Variants in SMAP1 observed in about 807,000 individuals in gnomAD.
The protein encoded by SMAP1 is small ArfGAP 1, also known as stromal membrane-associated protein 1.
In SMAP1, 24 loss-of-function variants were observed where a neutral mutation model predicts 58.5. The ratio of observed to expected loss-of-function variants is 0.41; its 90% CI spans 0.30 to 0.58. SMAP1 has a LOEUF of 0.58. Ranked by LOEUF, SMAP1 falls within the 20% of genes least tolerant of loss-of-function variation. The probability of loss-of-function intolerance (pLI) is 0.29; values close to 1 mark genes in which losing one functional copy is unlikely to be tolerated. For missense variants in SMAP1, 563 were observed against 566.3 expected (o/e 0.99, Z 0.06); for synonymous variants, 216 against 196.6 (o/e 1.10, Z -0.82).
At chr6:70,817,922 T>G (rs116876004) in intron 6 of SMAP1, among the ~76,000 whole-genome samples, 3,596 of 152,246 alleles carry the variant, frequency 0.024, 51 homozygotes, top group Non-Finnish European at 0.037. Context: ...AAATTAGAAC[T>G]CTTGTTTCAT....
chr6:70,837,913 T>C lies in SMAP1; in HGVS notation c.664+885T>C, dbSNP rs559119708. 9.4e-6 allele frequency: 11 copies of C among 1,168,846 alleles called. No homozygotes were observed. In the East Asian group the frequency reaches 6.6e-4, roughly 71 times the overall value. The allele number at this position is 1,168,846 out of a possible 1,614,324, so 72.4% of individuals were successfully genotyped here. A position where few individuals can be genotyped will look rare whatever the true frequency, so the allele number is the denominator to read the frequency against. ...AAATTGTTGTCTGTTTTAAGAATTATAGCTGAATGTTTTATTCATTTCTTA... is the reference window on the plus strand; with the variant it reads ...AAATTGTTGTCTGTTTTAAGAATTACAGCTGAATGTTTTATTCATTTCTTA... On this transcript the variant is annotated intron_variant, in intron 7 of 10. Transcript: ENST00000370455.
intron 1 of SMAP1, among the ~76,000 whole-genome samples, chr6:70,688,743 C>A (rs1767035318): frequency 6.6e-6 from 1 of 152,156 alleles, no homozygotes; most frequent in Non-Finnish European, 1.5e-5. Flanking sequence ...AACTTTACAT[C>A]CTCTTCACAT....
intron 6 of SMAP1, among the ~76,000 whole-genome samples, chr6:70,803,157 G>C (rs1768942069): frequency 6.6e-6 from 1 of 151,236 alleles, no homozygotes; most frequent in Non-Finnish European, 1.5e-5. Flanking sequence ...TGGTTGGTAG[G>C]CTATTATTGC....
At chr6:70,687,986 A>G (rs1214596550) in intron 1 of SMAP1, among the ~76,000 whole-genome samples, 1 of 152,288 alleles carries the variant, frequency 6.6e-6, no homozygotes, top group African/African-American at 2.4e-5. Flanking sequence ...TTCCTAACCC[A>G]TAGCATCCAT....
At chr6:70,859,363 C>CCAT (rs201201431) in intron 10 of SMAP1, 51,476 of 1,547,556 alleles carry the variant, frequency 0.033, 1,025 homozygotes, top group Non-Finnish European at 0.04. Context: ...CTCCAGCACT[C>CCAT]CATCAGTGCA....
At chr6:70,821,070 C>A (rs373050947) in intron 6 of SMAP1, among the ~76,000 whole-genome samples, 4 of 151,998 alleles carry the variant, frequency 2.6e-5, no homozygotes, top group Admixed American at 6.6e-5. Context: ...GATTTCCCCC[C>A]CTCCCTGCCC....
chr6:70,768,962 G>A (rs866162632), intron 3 of SMAP1, among the ~76,000 whole-genome samples: 14 of 151,880 alleles, frequency 9.2e-5, no homozygotes, highest in East Asian at 1.9e-4. Flanking sequence ...CTTTGTTCTC[G>A]TTGGTTTCAA....
intron 2 of SMAP1, chr6:70,734,632 C>T (rs2149864738): frequency 6.5e-6 from 1 of 152,932 alleles, no homozygotes; most frequent in South Asian, 2.1e-4. Flanking sequence ...GCAGCTGGCT[C>T]CACAGCGGGC....
chr6:70,773,276 T>C lies in SMAP1; in HGVS notation c.339-74T>C, dbSNP rs1767402555. On this transcript the variant is annotated intron_variant, in intron 3 of 10. Transcript: ENST00000370455. The stretch of plus-strand genomic sequence containing the variant: ...AAAATTAAATTTAGAGTCCCAGCTT[T>C]GTGGAGTGGCGTGAATAAAGGGAAG... 3.5e-6 allele frequency: 3 copies of C among 863,722 alleles called. No individual in the cohort carries two copies. The African/African-American group carries it at 5.2e-5, about 15-fold the overall frequency. 53.5% of individuals were successfully genotyped at this position (863,722 alleles called of 1,614,324 possible). A position where few individuals can be genotyped will look rare whatever the true frequency, so the allele number is the denominator to read the frequency against.
intron 1 of SMAP1, among the ~76,000 whole-genome samples, chr6:70,668,928 C>T (rs574542199): frequency 6.6e-6 from 1 of 152,142 alleles, no homozygotes; most frequent in East Asian, 1.9e-4. Context: ...ATTTGTGTAC[C>T]TCATAAATGC....
intron 1 of SMAP1, among the ~76,000 whole-genome samples, chr6:70,675,924 T>C (rs1766464879): frequency 6.6e-6 from 1 of 152,204 alleles, no homozygotes. Context: ...AATATCTGCT[T>C]TTCTTCTGGG....
intron 1 of SMAP1, among the ~76,000 whole-genome samples, chr6:70,674,093 A>G (rs1406333673): frequency 6.6e-6 from 1 of 151,636 alleles, no homozygotes; most frequent in East Asian, 1.9e-4. Flanking sequence ...TACTTTATAA[A>G]CTCAAAAAAG....
intron 1 of SMAP1, among the ~76,000 whole-genome samples, chr6:70,699,581 T>G (rs561604896): frequency 6.6e-6 from 1 of 151,670 alleles, no homozygotes; most frequent in African/African-American, 2.4e-5. Context: ...TAATGCACTG[T>G]TCTGCTGTGG....
intron 7 of SMAP1, among the ~76,000 whole-genome samples, chr6:70,841,423 T>G (rs1199311100): frequency 6.6e-6 from 1 of 152,242 alleles, no homozygotes; most frequent in African/African-American, 2.4e-5. Flanking sequence ...ATCCTCTCAG[T>G]GCCCCAGAAA....
chr6:70,859,813 A>G (rs1771625195), intron 10 of SMAP1: 1 of 178,678 alleles, frequency 5.6e-6, no homozygotes, highest in South Asian at 1.6e-4. Context: ...TTAATAGAGA[A>G]TAATATCTAT....
At chr6:70,684,715 T>G (rs1405718529) in intron 1 of SMAP1, among the ~76,000 whole-genome samples, 1 of 152,230 alleles carries the variant, frequency 6.6e-6, no homozygotes, top group Non-Finnish European at 1.5e-5. Context: ...GTTTACATTT[T>G]TATTCCTTCT....
intron 6 of SMAP1, among the ~76,000 whole-genome samples, chr6:70,805,207 T>C (rs1157672990): frequency 6.6e-6 from 1 of 152,212 alleles, no homozygotes; most frequent in Non-Finnish European, 1.5e-5. Flanking sequence ...TTCTTATTAC[T>C]CTTTTTTCTC....
rs147207563 is a variant in SMAP1 at position 70,758,554 on chromosome 6, T to G, written c.338+3489T>G. 2.5e-3 allele frequency among the ~76,000 whole-genome samples: 378 copies of G among 150,498 alleles called. 2 individuals carry two copies. The highest frequency in any genetic ancestry group is 9.0e-3 in the African/African-American group (371 of 41,066). The stretch of plus-strand genomic sequence containing the variant: ...ATAAATAAATAAAAATAAAAACACA[T>G]GAAGGATTTTGAAGCAGGAGAAACA... On this transcript the variant is annotated intron_variant, in intron 3 of 10. Coordinates refer to ENST00000370455, the MANE Select transcript of SMAP1 (RefSeq NM_001044305.3).
chr6:70,669,751 G>A (rs1766186966), intron 1 of SMAP1, among the ~76,000 whole-genome samples: 1 of 152,194 alleles, frequency 6.6e-6, no homozygotes, highest in Admixed American at 6.5e-5. Context: ...AAGTAGAGAT[G>A]CTGGTAAATA....
Sources: gnomAD v4.1 joint callset for allele counts (sites outside exome capture counted in the v4.1 genomes callset) on GRCh38, gnomAD v4.1.1 for gene constraint, MANE v1.5 for transcripts, NCBI Gene and HGNC (gene_info 2026-07-23, HGNC 2026-07-21) for gene names.